ASTN1: variants seen among roughly 807,000 people sequenced by gnomAD.
ASTN1 encodes astrotactin-1.
In ASTN1, 41 loss-of-function variants were observed where a neutral mutation model predicts 140.7. The observed-to-expected ratio is 0.29, with a 90% CI of 0.23 to 0.38. The LOEUF (loss-of-function observed/expected upper bound fraction) is 0.38, where lower values mean the gene tolerates loss of function less well. ASTN1 is among the 10% of genes least tolerant of loss of function. ASTN1 has a pLI of 1.00. For missense variants in ASTN1, 1,479 were observed against 1,678.8 expected (o/e 0.88, Z 2.08); for synonymous variants, 640 against 652.2 (o/e 0.98, Z 0.29).
chr1:177,085,307 GA>G (rs1679408610), intron 1 of ASTN1, among the ~76,000 whole-genome samples: 2 of 152,062 alleles, frequency 1.3e-5, no homozygotes, highest in African/African-American at 4.8e-5. Flanking sequence ...AGAGATGAAG[GA>G]AAAGTATCTG....
chr1:177,023,414 G>T lies in ASTN1; in HGVS notation c.1428C>A (p.Asp476Glu), dbSNP rs1675928044. The T allele has an allele frequency of 3.8e-6, 6 of 1,594,648 alleles. No homozygotes were observed. The highest frequency in any genetic ancestry group is 5.1e-6 in the Non-Finnish European group (6 of 1,170,378). Reference protein sequence around the residue: ...RLLDPCEHQCDPETGECLCYE... With the variant: ...RLLDPCEHQCEPETGECLCYE... ...GGTGCTCCCGCCTACCAGTTTCGGGGTCACATTGGTGTTCACAGGGGTCCA... is the reference window on the plus strand; with the variant it reads ...GGTGCTCCCGCCTACCAGTTTCGGGTTCACATTGGTGTTCACAGGGGTCCA... Residue 476 changes from aspartate to glutamate, a missense_variant, in exon 7 of 23, where the codon GAC (aspartate) becomes GAA (glutamate). Physicochemically the swap from Asp to Glu is conservative, Grantham distance 45 (BLOSUM62 2). Around this residue, in one of 3 missense-constraint regions of ASTN1, gnomAD observed 729 missense variants for 860.4 expected, o/e 0.85. Coordinates refer to ENST00000361833, the MANE Select transcript of ASTN1 (RefSeq NM_004319.3).
At chr1:176,912,263 G>T (rs541537039) in intron 16 of ASTN1, among the ~76,000 whole-genome samples, 220 of 152,290 alleles carry the variant, frequency 1.4e-3, no homozygotes, top group Middle Eastern at 6.8e-3. Context: ...TGCAGTCTCT[G>T]TTGCAACTAC....
At chr1:176,924,035 C>T (rs1479966900) in intron 16 of ASTN1, among the ~76,000 whole-genome samples, 1 of 152,142 alleles carries the variant, frequency 6.6e-6, no homozygotes, top group Non-Finnish European at 1.5e-5. Context: ...TAGCCATATG[C>T]TTACTTCTCC....
intron 17 of ASTN1, among the ~76,000 whole-genome samples, chr1:176,889,837 G>A (rs1198238349): frequency 6.6e-6 from 1 of 152,202 alleles, no homozygotes; most frequent in Non-Finnish European, 1.5e-5. Flanking sequence ...AAAGGGCAGT[G>A]CCAGAACCTG....
intron 8 of ASTN1, among the ~76,000 whole-genome samples, chr1:176,974,442 G>A (rs949651051): frequency 4.0e-5 from 6 of 150,738 alleles, no homozygotes; most frequent in African/African-American, 1.5e-4. Context: ...CTGGACTGCA[G>A]TGTCATGATC....
At chr1:177,005,188 TATTTAA>T in intron 8 of ASTN1, among the ~76,000 whole-genome samples, 1 of 152,094 alleles carries the variant, frequency 6.6e-6, no homozygotes, top group East Asian at 1.9e-4. Context: ...TGAATTGACA[TATTTAA>T]AAAAAATACA....
chr1:176,949,292 C>A lies in ASTN1; in HGVS notation c.1947G>T (p.Gly649=). The change falls in exon 12 of 23, where the codon GGG becomes GGT. Residue 649 remains glycine (G), a synonymous_variant. Coordinates refer to ENST00000361833, the MANE Select transcript of ASTN1 (RefSeq NM_004319.3). ...DSSGCYDRHI[G]VDCSDGFNGG... is the part of the protein sequence containing the mutation. ...CGTTGAAGCCGTCGGAACAGTCCAC[C>A]CCGATGTGGCGGTCATAGCAGCCAG... The A allele has an allele frequency of 1.9e-6, 3 of 1,614,120 alleles. No homozygotes were observed. In the South Asian group the frequency reaches 3.3e-5, roughly 18 times the overall value.
At chr1:176,893,633 A>G (rs1669362519) in intron 17 of ASTN1, among the ~76,000 whole-genome samples, 1 of 152,130 alleles carries the variant, frequency 6.6e-6, no homozygotes, top group Non-Finnish European at 1.5e-5. Flanking sequence ...TAAGGAGAAA[A>G]CAGAAAGCAA....
intron 1 of ASTN1, among the ~76,000 whole-genome samples, chr1:177,125,625 T>C (rs1218640549): frequency 6.6e-6 from 1 of 152,224 alleles, no homozygotes; most frequent in Admixed American, 6.5e-5. Flanking sequence ...AAACACTGTA[T>C]TGGCTCAGAC....
intron 1 of ASTN1, among the ~76,000 whole-genome samples, chr1:177,064,965 T>C (rs971318882): frequency 1.3e-5 from 2 of 152,198 alleles, no homozygotes; most frequent in African/African-American, 4.8e-5. Flanking sequence ...AATGTAATCA[T>C]ACTGGTCTGG....
intron 8 of ASTN1, among the ~76,000 whole-genome samples, chr1:176,996,420 C>A (rs1674450913): frequency 6.6e-6 from 1 of 152,110 alleles, no homozygotes; most frequent in African/African-American, 2.4e-5. Context: ...CAGGCAGTTT[C>A]TTTCCCTTCC....
intron 5 of ASTN1, among the ~76,000 whole-genome samples, chr1:177,028,658 C>A (rs1676258449): frequency 6.6e-6 from 1 of 152,164 alleles, no homozygotes; most frequent in African/African-American, 2.4e-5. Context: ...GGGACGCTGC[C>A]TAAAATTCTT....
At chr1:176,977,230 T>C (rs2101873911) in intron 8 of ASTN1, among the ~76,000 whole-genome samples, 1 of 152,386 alleles carries the variant, frequency 6.6e-6, no homozygotes, top group East Asian at 1.9e-4. Context: ...TTTTTCTATC[T>C]ACTAATCTGT....
At position 177,049,077 on chromosome 1, in the gene ASTN1, G is replaced by T. The variant is rs551591751; in HGVS notation, c.471+12001C>A. Among the ~76,000 whole-genome samples the T allele has an allele frequency of 5.9e-5, 9 of 152,304 alleles. No homozygotes were observed. The Middle Eastern group carries it at 0.01, about 173-fold the overall frequency. ...TGGAAAAAAGAAAAGCAGAGTTGCT[G>T]CAGGGAATGGAAGAAAGTTTTTTCA... On this transcript the variant is annotated intron_variant, in intron 2 of 22. Transcript: ENST00000361833.
intron 16 of ASTN1, among the ~76,000 whole-genome samples, chr1:176,912,128 A>T (rs977004023): frequency 6.6e-6 from 1 of 152,220 alleles, no homozygotes; most frequent in Non-Finnish European, 1.5e-5. Context: ...GGGAAGAATC[A>T]TTGAGAAGGA....
intron 13 of ASTN1, among the ~76,000 whole-genome samples, chr1:176,945,016 T>C (rs1456480833): frequency 6.6e-6 from 1 of 152,214 alleles, no homozygotes; most frequent in Non-Finnish European, 1.5e-5. Flanking sequence ...CTGGTCCATA[T>C]CATAATACTG....
intron 16 of ASTN1, among the ~76,000 whole-genome samples, chr1:176,910,219 C>A (rs974567279): frequency 6.6e-6 from 1 of 152,174 alleles, no homozygotes; most frequent in Non-Finnish European, 1.5e-5. Flanking sequence ...CAAGAAGCAA[C>A]CAATGCTGGA....
chr1:176,965,246 AG>A lies in ASTN1; in HGVS notation c.1524-10del. The A allele has an allele frequency of 1.2e-6, 2 of 1,613,432 alleles. No homozygotes were observed. The highest frequency in any genetic ancestry group is 1.7e-6 in the Non-Finnish European group (2 of 1,179,454). On this transcript the variant is annotated splice_polypyrimidine_tract_variant and intron_variant, in intron 8 of 22. Transcript: ENST00000361833. ...TTGTGTAAGGCCATGGCCTAAAAGA[AG>A]AAACATCATTCAATTAAATTCAACT...
At chr1:176,924,335 GT>G (rs949452424) in intron 16 of ASTN1, among the ~76,000 whole-genome samples, 2 of 152,132 alleles carry the variant, frequency 1.3e-5, no homozygotes, top group Non-Finnish European at 2.9e-5. Context: ...GGATTGTTCT[GT>G]TTCCCATCTC....
Sources: gnomAD v4.1 joint callset for allele counts (sites outside exome capture counted in the v4.1 genomes callset) on GRCh38, gnomAD v4.1.1 for gene constraint, gnomAD v4.1.1 regional missense constraint, MANE v1.5 for transcripts, NCBI Gene and HGNC (gene_info 2026-07-23, HGNC 2026-07-21) for gene names.